Variants in LEMD1 observed in about 807,000 individuals in gnomAD.
LEMD1 encodes LEM domain containing 1.
Under a neutral mutation model 17.4 loss-of-function variants are expected in LEMD1, and 18 were observed. That is an observed-to-expected ratio of 1.04 (90% CI 0.72 to 1.54). The LOEUF is 1.54. LEMD1 is among the 40% of genes most tolerant of loss of function. The pLI is 0.00. For missense variants in LEMD1, 195 were observed against 210.4 expected, an observed-to-expected ratio of 0.93 and a Z score of 0.45; for synonymous variants, 88 against 77.8, an observed-to-expected ratio of 1.13 and a Z score of -0.69.
At chr1:205,414,385 C>T (rs1665593984) in intron 4 of LEMD1, among the ~76,000 whole-genome samples, 1 of 151,670 alleles carries the variant, frequency 6.6e-6, no homozygotes, top group African/African-American at 2.4e-5. Context: ...GAGTTCGAGA[C>T]CAGCCTGGGC....
At chr1:205,419,617 C>A (rs1216950295) in intron 2 of LEMD1, among the ~76,000 whole-genome samples, 1 of 152,182 alleles carries the variant, frequency 6.6e-6, no homozygotes, top group East Asian at 1.9e-4. Context: ...GGTTCGCCAC[C>A]ACACTCGGCT....
rs902389546 is a variant in LEMD1 at position 205,434,389 on chromosome 1, G to A, written c.-38-13815C>T. ...ATATATATATATATTTAGTAGAGAC[G>A]AAGTCTGGCTATGTTGCCCAGGCTG... On this transcript the variant is annotated intron_variant, in intron 1 of 3. Transcript: ENST00000367154. Among the ~76,000 whole-genome samples, 8 of 148,840 alleles carry A rather than the reference G, an allele frequency of 5.4e-5. No homozygotes were observed. In the South Asian group the frequency reaches 6.4e-4, roughly 12 times the overall value.
chr1:205,409,166 T>G (rs1287901867), intron 4 of LEMD1, among the ~76,000 whole-genome samples: 3 of 152,176 alleles, frequency 2.0e-5, no homozygotes, highest in Non-Finnish European at 4.4e-5. Context: ...TAAAGTTCAG[T>G]CTGCCTCATT....
At chr1:205,407,681 C>A (rs933010497) in intron 4 of LEMD1, among the ~76,000 whole-genome samples, 1 of 152,166 alleles carries the variant, frequency 6.6e-6, no homozygotes, top group Non-Finnish European at 1.5e-5. Flanking sequence ...GCTGTTCTAG[C>A]AAGTTAGCAA....
chr1:205,382,810 G>C (rs942361634), intron 5 of LEMD1, among the ~76,000 whole-genome samples: 1 of 152,158 alleles, frequency 6.6e-6, no homozygotes, highest in African/African-American at 2.4e-5. Flanking sequence ...CTTTCAGGGT[G>C]GAGAGGAAAA....
chr1:205,393,450 T>G (rs1664436417), intron 4 of LEMD1, among the ~76,000 whole-genome samples: 1 of 150,780 alleles, frequency 6.6e-6, no homozygotes, highest in Non-Finnish European at 1.5e-5. Context: ...CCGAGGTGGA[T>G]GGATCACTTC....
At position 205,381,616 on chromosome 1, in the gene LEMD1, G is replaced by T; in HGVS notation, c.*42C>A. On this transcript the variant is annotated 3_prime_UTR_variant, in exon 6 of 6. Coordinates refer to ENST00000367153, the MANE Select transcript of LEMD1 (RefSeq NM_001199050.2). ...GGTAGTGTTTTGGTTCTTTCCTGAA[G>T]CAGGAGGCCTCGCTTGGAGCATTGC... 6.3e-7 allele frequency: 1 copy of T among 1,596,666 alleles called. No individual in the cohort carries two copies.
intron 4 of LEMD1, among the ~76,000 whole-genome samples, chr1:205,404,451 A>C (rs1191789634): frequency 6.6e-6 from 1 of 152,154 alleles, no homozygotes; most frequent in Non-Finnish European, 1.5e-5. Context: ...CTTTACCATT[A>C]TGTAATGGCC....
chr1:205,446,892 T>C (rs1432398526), intron 1 of LEMD1, among the ~76,000 whole-genome samples: 2 of 152,218 alleles, frequency 1.3e-5, no homozygotes, highest in Admixed American at 6.5e-5. Context: ...CCCAGCTGGC[T>C]TGGGATTTCT....
intron 4 of LEMD1, among the ~76,000 whole-genome samples, chr1:205,410,914 G>T (rs761231628): frequency 3.0e-5 from 4 of 131,922 alleles, no homozygotes; most frequent in Non-Finnish European, 6.4e-5. Flanking sequence ...AAGGAAGGAA[G>T]GACAGGAAAG....
intron 5 of LEMD1, 87 bp downstream of exon 5, chr1:205,384,201 C>A (rs887022118): frequency 1.3e-6 from 1 of 759,572 alleles, no homozygotes; most frequent in African/African-American, 1.8e-5. Context: ...AGGCTAAACC[C>A]TTCACAGAAA....
At chr1:205,436,848 A>C (rs1267126153) in intron 1 of LEMD1, 1 of 152,210 alleles carries the variant, frequency 6.6e-6, no homozygotes, top group East Asian at 1.9e-4. Flanking sequence ...TTGTGAACCA[A>C]GTATCTGTCT....
At chr1:205,407,009 G>A (rs554674687) in intron 4 of LEMD1, among the ~76,000 whole-genome samples, 20 of 152,252 alleles carry the variant, frequency 1.3e-4, no homozygotes, top group African/African-American at 3.4e-4. Context: ...GGGTCTGGTC[G>A]TCAGAAAGGC....
Position 205,409,964 on chromosome 1 carries a change from G to A in LEMD1, c.270+6268C>T, listed in dbSNP as rs538043984. On this transcript the variant is annotated intron_variant, in intron 4 of 5. Transcript: ENST00000367153. ...ATTTTTTTGTATTTTTAGTAGAGAT[G>A]GAGTTTCACCATGTTGGCCATGGTT... Among the ~76,000 whole-genome samples the A allele has an allele frequency of 2.9e-4, 44 of 152,042 alleles. No homozygotes were observed. The East Asian group carries it at 8.1e-3, about 28-fold the overall frequency.
chr1:205,428,016 G>A (rs1204645520), intron 1 of LEMD1, among the ~76,000 whole-genome samples: 2 of 152,252 alleles, frequency 1.3e-5, no homozygotes, highest in African/African-American at 2.4e-5. Context: ...GACTGGCAAC[G>A]GGTGAGGCTG....
At chr1:205,430,174 T>A (rs1258926185) in intron 1 of LEMD1, among the ~76,000 whole-genome samples, 1 of 152,218 alleles carries the variant, frequency 6.6e-6, no homozygotes, top group Non-Finnish European at 1.5e-5. Flanking sequence ...AATGAATTCT[T>A]GCCACATAGA....
In LEMD1 at chr1:205,434,660, C is replaced by T. The variant is rs78634534; in HGVS notation, c.-38-14086G>A. The stretch of plus-strand genomic sequence containing the variant: ...TTAGAGATAGCACAACGGAGGCTCA[C>T]GGAGTTCCAGGAGACCTGGGGTGTC... On this transcript the variant is annotated intron_variant, in intron 1 of 3. Coordinates refer to the LEMD1 transcript ENST00000367154. Among the ~76,000 whole-genome samples the T allele has an allele frequency of 1.1e-3, 161 of 152,238 alleles. 2 individuals are homozygous for T. The East Asian group carries it at 0.031, about 29-fold the overall frequency.
chr1:205,413,137 A>G (rs1410420241), intron 4 of LEMD1, among the ~76,000 whole-genome samples: 1 of 152,214 alleles, frequency 6.6e-6, no homozygotes, highest in African/African-American at 2.4e-5. Flanking sequence ...CTTAGCAACT[A>G]GTTTAAATAC....
chr1:205,415,082 A>C (rs1471593732), intron 4 of LEMD1, among the ~76,000 whole-genome samples: 1 of 152,170 alleles, frequency 6.6e-6, no homozygotes, highest in African/African-American at 2.4e-5. Flanking sequence ...TGGAAACATC[A>C]GGATAAACCC....
Sources: gnomAD v4.1 joint callset for allele counts (sites outside exome capture counted in the v4.1 genomes callset) on GRCh38, gnomAD v4.1.1 for gene constraint, MANE v1.5 for transcripts, NCBI Gene and HGNC (gene_info 2026-07-23, HGNC 2026-07-21) for gene names.